MLLT10: variants seen among roughly 807,000 people sequenced by gnomAD.
The protein encoded by MLLT10 is MLLT10 histone lysine methyltransferase DOT1L cofactor.
A neutral mutation model predicts 129.1 loss-of-function variants in MLLT10; 30 were observed. The observed-to-expected ratio is 0.23, with a 90% CI of 0.17 to 0.32. MLLT10 has a LOEUF of 0.32. MLLT10 is among the 10% of genes least tolerant of loss of function. MLLT10 has a pLI of 1.00. For synonymous variants in MLLT10, 490 were observed against 446.4 expected, an observed-to-expected ratio of 1.10 and a Z score of -1.23; for missense variants, 1,119 against 1,268.3, an observed-to-expected ratio of 0.88 and a Z score of 1.79.
At chr10:21,641,414 A>G (rs1403818200) in intron 8 of MLLT10, among the ~76,000 whole-genome samples, 1 of 152,208 alleles carries the variant, frequency 6.6e-6, no homozygotes, top group African/African-American at 2.4e-5. Flanking sequence ...AGTGAAACCT[A>G]CTGATGTTTT....
chr10:21,581,738 G>C (rs1363799844), intron 3 of MLLT10, among the ~76,000 whole-genome samples: 2 of 152,128 alleles, frequency 1.3e-5, no homozygotes, highest in African/African-American at 2.4e-5. Context: ...TATGTAAGAT[G>C]TGCTTGCTTC....
At chr10:21,653,546 G>A (rs1308678416) in intron 9 of MLLT10, among the ~76,000 whole-genome samples, 3 of 152,118 alleles carry the variant, frequency 2.0e-5, no homozygotes, top group African/African-American at 4.8e-5. Flanking sequence ...TTAAGCTCAT[G>A]TGATTAGATT....
intron 14 of MLLT10, among the ~76,000 whole-genome samples, chr10:21,723,030 C>T (rs947470359): frequency 7.9e-5 from 12 of 152,122 alleles, no homozygotes; most frequent in African/African-American, 2.9e-4. Context: ...AAAACAACTA[C>T]CACATTAATT....
intron 8 of MLLT10, among the ~76,000 whole-genome samples, chr10:21,627,461 T>C (rs2046570646): frequency 6.6e-6 from 1 of 152,198 alleles, no homozygotes; most frequent in Admixed American, 6.5e-5. Flanking sequence ...CTCTTCCATG[T>C]CCAGGATCCA....
At chr10:21,657,392 CAA>C (rs904471815) in intron 9 of MLLT10, among the ~76,000 whole-genome samples, 48 of 49,772 alleles carry the variant, frequency 9.6e-4, no homozygotes, top group African/African-American at 2.8e-3. Context: ...GACTCTGTCT[CAA>C]AAAAAAAAAA....
intron 11 of MLLT10, among the ~76,000 whole-genome samples, chr10:21,679,518 G>A (rs1468958535): frequency 6.6e-6 from 1 of 152,120 alleles, no homozygotes; most frequent in Non-Finnish European, 1.5e-5. Context: ...GCTTTTTTGT[G>A]TGTGAAAAAT....
chr10:21,615,457 C>CAAAAAAAAAAAAAA (rs71393914), intron 7 of MLLT10, among the ~76,000 whole-genome samples: 5 of 75,534 alleles, frequency 6.6e-5, no homozygotes, highest in South Asian at 4.7e-4. Flanking sequence ...GACTCCGTCT[C>CAAAAAAAAAAAAAA]AAAAAAAAAA....
At chr10:21,668,834 C>T in intron 9 of MLLT10, 1 of 1,029,810 alleles carries the variant, frequency 9.7e-7, no homozygotes, top group Non-Finnish European at 1.2e-6. Context: ...ATTTTCTCTC[C>T]ATTCTTTATT....
chr10:21,589,324 G>GTTT (rs201960289), intron 4 of MLLT10, among the ~76,000 whole-genome samples: 1 of 133,686 alleles, frequency 7.5e-6, no homozygotes, highest in Non-Finnish European at 1.6e-5. Context: ...CTATTCCAAA[G>GTTT]TTTTTTTTTT....
chr10:21,593,632 T>C (rs2042720161), intron 4 of MLLT10, among the ~76,000 whole-genome samples: 1 of 151,994 alleles, frequency 6.6e-6, no homozygotes, highest in South Asian at 2.1e-4. Flanking sequence ...TTATATGTAA[T>C]GAAGAAATTT....
intron 3 of MLLT10, among the ~76,000 whole-genome samples, chr10:21,577,761 G>A (rs200533543): frequency 2.0e-5 from 3 of 152,072 alleles, no homozygotes; most frequent in East Asian, 3.9e-4. Context: ...GTGAGCCACC[G>A]CACCCAGCCT....
At chr10:21,619,618 A>G (rs1454357008) in intron 8 of MLLT10, among the ~76,000 whole-genome samples, 2 of 152,232 alleles carry the variant, frequency 1.3e-5, no homozygotes, top group Non-Finnish European at 2.9e-5. Context: ...GTATGTAAAT[A>G]CTATTTGGAT....
At chr10:21,582,397 GGT>G (rs2041568544) in intron 3 of MLLT10, among the ~76,000 whole-genome samples, 1 of 152,094 alleles carries the variant, frequency 6.6e-6, no homozygotes, top group Non-Finnish European at 1.5e-5. Context: ...TGGGATTATA[GGT>G]GTGAGCCACT....
chr10:21,549,935 A>G (rs979550509), intron 3 of MLLT10, among the ~76,000 whole-genome samples: 1 of 152,102 alleles, frequency 6.6e-6, no homozygotes, highest in Non-Finnish European at 1.5e-5. Flanking sequence ...CATCGCGCCT[A>G]GCTCTGAGTT....
chr10:21,557,015 A>G (rs1398189345), intron 3 of MLLT10: 61 of 1,466,390 alleles, frequency 4.2e-5, no homozygotes, highest in Non-Finnish European at 5.3e-5. Context: ...TGTTTTACCA[A>G]GTACTAGTCT....
intron 13 of MLLT10, among the ~76,000 whole-genome samples, chr10:21,689,213 A>G (rs777468944): frequency 6.6e-6 from 1 of 152,010 alleles, no homozygotes; most frequent in Non-Finnish European, 1.5e-5. Context: ...GCTTTGGGGA[A>G]ATAAGTATAC....
At position 21,741,991 on chromosome 10, in the gene MLLT10, G is replaced by A. The variant is rs1466265255; in HGVS notation, c.*8G>A. On this transcript the variant is annotated 3_prime_UTR_variant, in exon 23 of 23. Coordinates refer to ENST00000307729, the MANE Select transcript of MLLT10 (RefSeq NM_001195626.3). Reference sequence around the variant, plus strand: ...GCTCAAGAGAAAAGTTGACACCTGAGAAACATCTAGAAATTGCCTATCCTG... The same window carrying A: ...GCTCAAGAGAAAAGTTGACACCTGAAAAACATCTAGAAATTGCCTATCCTG... The A allele has an allele frequency of 6.2e-7, 1 of 1,612,006 alleles. No individual in the cohort carries two copies. Among genetic ancestry groups the A allele is most frequent in the Admixed American group, 1.7e-5 (1 of 59,854 alleles).
At chr10:21,694,259 C>G (rs1461892675) in intron 13 of MLLT10, among the ~76,000 whole-genome samples, 1 of 152,172 alleles carries the variant, frequency 6.6e-6, no homozygotes, top group Non-Finnish European at 1.5e-5. Flanking sequence ...ATCTAGTTTT[C>G]AAATGCCATT....
At chr10:21,630,628 C>G (rs1045346486) in intron 8 of MLLT10, among the ~76,000 whole-genome samples, 1 of 152,232 alleles carries the variant, frequency 6.6e-6, no homozygotes, top group Non-Finnish European at 1.5e-5. Flanking sequence ...TGCCCCAGGT[C>G]ACCCTGTCAG....
Sources: gnomAD v4.1 joint callset for allele counts (sites outside exome capture counted in the v4.1 genomes callset) on GRCh38, gnomAD v4.1.1 for gene constraint, MANE v1.5 for transcripts, NCBI Gene and HGNC (gene_info 2026-07-23, HGNC 2026-07-21) for gene names.